Variants in MLC1 observed in about 807,000 individuals in gnomAD.
MLC1 encodes membrane protein MLC1.
A neutral mutation model predicts 44.7 loss-of-function variants in MLC1; 32 were observed. The observed-to-expected ratio is 0.72, with a 90% CI of 0.54 to 0.96. The LOEUF (loss-of-function observed/expected upper bound fraction) is 0.96, where lower values mean the gene tolerates loss of function less well. MLC1 is among the 40% of genes least tolerant of loss of function. The probability of loss-of-function intolerance (pLI) is 0.00; values close to 1 mark genes in which losing one functional copy is unlikely to be tolerated. For synonymous variants in MLC1, 190 were observed against 213.0 expected (o/e 0.89, Z 0.94); for missense variants, 459 against 492.2 (o/e 0.93, Z 0.64).
chr22:50,063,472 C>CA (rs1186364376), intron 11 of MLC1, among the ~76,000 whole-genome samples: 1,299 of 79,352 alleles, frequency 0.016, 12 homozygotes, highest in African/African-American at 0.04. Context: ...GACTCCTTCT[C>CA]AAAAAAAAAA....
chr22:50,074,090 G>A (rs1477972821), intron 8 of MLC1, 126 bp downstream of exon 8: 28 of 753,510 alleles, frequency 3.7e-5, no homozygotes, highest in Non-Finnish European at 1.4e-5. Flanking sequence ...GAAGTTGGGG[G>A]CCAGCGAGGA....
rs5771142 is a variant in MLC1 at position 50,068,234 on chromosome 22, G to A, written c.894+199C>T. Among the ~76,000 whole-genome samples the A allele has an allele frequency of 0.12, 18,580 of 152,272 alleles. 1,275 individuals are homozygous for A. The highest frequency in any genetic ancestry group is 0.23 in the South Asian group (1,106 of 4,824). On this transcript the variant is annotated intron_variant, in intron 10 of 11. Transcript: ENST00000311597. ...CAGGTGGTGGCCCCAGATACAGGGCGGAATCGAGGCCCCGAGGCCCTGGGG... is the reference window on the plus strand; with the variant it reads ...CAGGTGGTGGCCCCAGATACAGGGCAGAATCGAGGCCCCGAGGCCCTGGGG...
rs2062076296 is a variant in MLC1 at position 50,079,910 on chromosome 22, G to A, written c.423+8C>T. ...TCAGGCGTCTGCGCGAAGCTCGTGT[G>A]AACTCACGTTTATTGCTGATGGGTT... On this transcript the variant is annotated splice_region_variant and intron_variant, in intron 5 of 11. Transcript: ENST00000311597. 1.2e-6 allele frequency: 2 copies of A among 1,601,578 alleles called. No individual in the cohort carries two copies. The highest frequency in any genetic ancestry group is 1.7e-5 in the Admixed American group (1 of 59,976).
chr22:50,061,379 A>G lies in MLC1; in HGVS notation c.*204T>C. 1.6e-6 allele frequency: 1 copy of G among 621,976 alleles called. No individual in the cohort carries two copies. The highest frequency in any genetic ancestry group is 2.9e-6 in the Non-Finnish European group (1 of 345,392). The allele number at this position is 621,976 out of a possible 1,614,324, so 38.5% of individuals were successfully genotyped here. ...CACGGGAGCCACTCGGAGCTGACTG[A>G]TCTCACTGAGGCACAGACTAGCCAA... On this transcript the variant is annotated 3_prime_UTR_variant, in exon 12 of 12. Transcript: ENST00000311597.
chr22:50,084,634 C>G, intron 2 of MLC1, 92 bp downstream of exon 2: 1 of 1,397,024 alleles, frequency 7.2e-7, no homozygotes, highest in Non-Finnish European at 1.0e-6. Context: ...GTTGCTCTCT[C>G]TGTCCCACCT....
rs11568187 is a variant in MLC1, at chr22:50,064,097, A to G, written c.996T>C (p.Ser332=). Residue 332 remains serine (S), a synonymous_variant, in exon 11 of 12, where the codon AGT becomes AGC. Coordinates refer to ENST00000311597, the MANE Select transcript of MLC1 (RefSeq NM_015166.4). ...TAIQCVRFKV[S]ARLQGASWDT... Reference sequence around the variant, plus strand: ...CCCAGGATGCACCCTGCAGCCTTGCACTGACCTTGAAGCGCACGCACTGGA... The same window carrying G: ...CCCAGGATGCACCCTGCAGCCTTGCGCTGACCTTGAAGCGCACGCACTGGA... The G allele has an allele frequency of 0.12, 181,837 of 1,509,286 alleles. 15,978 individuals carry two copies. The highest frequency in any genetic ancestry group is 0.2 in the South Asian group (16,894 of 85,252). 93.5% of individuals were successfully genotyped at this position (1,509,286 alleles called of 1,614,324 possible).
chr22:50,068,024 C>G (rs762010351), intron 10 of MLC1, among the ~76,000 whole-genome samples: 5 of 152,114 alleles, frequency 3.3e-5, no homozygotes, highest in Non-Finnish European at 5.9e-5. Context: ...GCCTGAGCCT[C>G]AGAAGTCGTG....
At position 50,081,025 on chromosome 22, in the gene MLC1, G is replaced by GAAAGAAAGAAAGAAAGAA. The variant is rs1555968026; in HGVS notation, c.268-646_268-629dup. On this transcript the variant is annotated intron_variant, in intron 3 of 11. Coordinates refer to ENST00000311597, the MANE Select transcript of MLC1 (RefSeq NM_015166.4). The stretch of plus-strand genomic sequence containing the variant: ...TGTCTCAAAAAAAGAAAGAAAGAAA[G>GAAAGAAAGAAAGAAAGAA]AAAGAAAGAAAGAAAGAAAGAAAGA... Among the ~76,000 whole-genome samples, 19 of 145,214 alleles carry GAAAGAAAGAAAGAAAGAA rather than the reference G, an allele frequency of 1.3e-4. No individual in the cohort carries two copies. In the East Asian group the frequency reaches 3.4e-3, roughly 26 times the overall value.
At chr22:50,073,687 T>G (rs9617144) in intron 8 of MLC1, among the ~76,000 whole-genome samples, 20,990 of 152,032 alleles carry the variant, frequency 0.14, 1,624 homozygotes, top group Admixed American at 0.21. Context: ...AGTGAGGTGA[T>G]ATTGAGCCAC....
At chr22:50,068,392 C>A in intron 10 of MLC1, 41 bp downstream of exon 10, 9 of 1,609,016 alleles carry the variant, frequency 5.6e-6, no homozygotes, top group Non-Finnish European at 7.6e-6. Flanking sequence ...ACACGCAGAG[C>A]ACCACATGTC....
In MLC1 at chr22:50,068,725, C is replaced by CTT. The variant is rs765426637; in HGVS notation, c.772-172_772-171dup. 0.053 allele frequency among the ~76,000 whole-genome samples: 5,612 copies of CTT among 104,912 alleles called. 559 individuals are homozygous for CTT. The highest frequency in any genetic ancestry group is 0.18 in the African/African-American group (4,937 of 27,202). The allele number at this position is 104,912 out of a possible 152,430, so 68.8% of individuals were successfully genotyped here. The stretch of plus-strand genomic sequence containing the variant: ...CCTCTGCCTTTTCTTTTTTCTTTTT[C>CTT]TTTTTTTTTTTTTTTTTTTTTGAGA... On this transcript the variant is annotated intron_variant, in intron 9 of 11. Transcript: ENST00000311597.
intron 3 of MLC1, among the ~76,000 whole-genome samples, chr22:50,082,114 C>G (rs2062157021): frequency 6.6e-6 from 1 of 152,158 alleles, no homozygotes; most frequent in East Asian, 1.9e-4. Flanking sequence ...ACCCAGCAGG[C>G]ATGTGGAAGC....
At chr22:50,063,693 C>A (rs1347187508) in intron 11 of MLC1, among the ~76,000 whole-genome samples, 3 of 135,284 alleles carry the variant, frequency 2.2e-5, no homozygotes, top group Middle Eastern at 4.2e-3. Context: ...AACCCACAGG[C>A]CTCTCACCTC....
intron 6 of MLC1, 96 bp downstream of exon 6, chr22:50,077,305 G>T: frequency 9.1e-7 from 1 of 1,100,206 alleles, no homozygotes. Context: ...GAGCAGCCCA[G>T]ATCGGCCCTC....
chr22:50,061,144 C>A lies in MLC1; in HGVS notation c.*439G>T. 3.5e-6 allele frequency: 1 copy of A among 284,174 alleles called. No homozygotes were observed. The highest frequency in any genetic ancestry group is 6.9e-6 in the Non-Finnish European group (1 of 143,938). 17.6% of individuals were successfully genotyped at this position (284,174 alleles called of 1,614,324 possible). ...GGGCTGACTGAGTACCCGGGACAGA[C>A]CCTAAGCGTGGAGGGAGGAAGCCCG... On this transcript the variant is annotated 3_prime_UTR_variant, in exon 12 of 12. Coordinates refer to ENST00000311597, the MANE Select transcript of MLC1 (RefSeq NM_015166.4).
At position 50,079,903 on chromosome 22, in the gene MLC1, C is replaced by T. The variant is rs371714443; in HGVS notation, c.423+15G>A. ...GTGGGTGTCAGGCGTCTGCGCGAAGCTCGTGTGAACTCACGTTTATTGCTG... is the reference window on the plus strand; with the variant it reads ...GTGGGTGTCAGGCGTCTGCGCGAAGTTCGTGTGAACTCACGTTTATTGCTG... On this transcript the variant is annotated intron_variant, in intron 5 of 11. Transcript: ENST00000311597. The T allele has an allele frequency of 4.4e-6, 7 of 1,587,090 alleles. No homozygotes were observed. Among genetic ancestry groups the T allele is most frequent in the Non-Finnish European group, 6.1e-6 (7 of 1,155,558 alleles).
intron 10 of MLC1, among the ~76,000 whole-genome samples, chr22:50,066,706 A>C (rs998062785): frequency 3.9e-5 from 6 of 152,134 alleles, no homozygotes; most frequent in African/African-American, 1.4e-4. Flanking sequence ...CTAGTATACA[A>C]GCTATTTTGT....
rs1321233758 is a variant in MLC1 at position 50,079,979 on chromosome 22, A to C, written c.362T>G (p.Val121Gly). 2.0e-5 allele frequency: 33 copies of C among 1,614,212 alleles called. No homozygotes were observed. Among genetic ancestry groups the C allele is most frequent in the Non-Finnish European group, 2.4e-5 (28 of 1,179,988 alleles). The change falls in exon 5 of 12, where the codon GTG becomes GGG. Residue 121 changes from valine to glycine, a missense_variant. Transcript: ENST00000311597. ...AAACCAAATTAAACACGTAGTGGTC[A>C]CAGCAAACGTGGAAACAAACAATAT... ...FQILFVSTFA[V>G]TTTCLIWFGC...
rs1014140975 is a variant in MLC1, at chr22:50,060,083, C to A, written c.*1500G>T. On this transcript the variant is annotated 3_prime_UTR_variant, in exon 12 of 12. Coordinates refer to ENST00000311597, the MANE Select transcript of MLC1 (RefSeq NM_015166.4). ...TGGCCCCAGGCCACAGATGCATCTCCGGGCCTTTCCAGCAGCCCATGGGGG... is the reference window on the plus strand; with the variant it reads ...TGGCCCCAGGCCACAGATGCATCTCAGGGCCTTTCCAGCAGCCCATGGGGG... The A allele has an allele frequency of 1.3e-5, 2 of 152,358 alleles. No homozygotes were observed. Among genetic ancestry groups the A allele is most frequent in the East Asian group, 1.9e-4 (1 of 5,272 alleles). The allele number at this position is 152,358 out of a possible 1,614,324, so 9.4% of individuals were successfully genotyped here. A position where few individuals can be genotyped will look rare whatever the true frequency, so the allele number is the denominator to read the frequency against.
Sources: allele counts gnomAD v4.1 joint callset (sites outside exome capture counted in the v4.1 genomes callset), GRCh38; gene constraint gnomAD v4.1.1; transcripts MANE v1.5; gene names NCBI Gene and HGNC (gene_info 2026-07-23, HGNC 2026-07-21).